Variants in AUTS2 observed in about 807,000 individuals in gnomAD.
AUTS2 encodes activator of transcription and developmental regulator AUTS2, also known as autism susceptibility gene 2 protein.
A neutral mutation model predicts 112.4 loss-of-function variants in AUTS2; 17 were observed. The observed-to-expected ratio is 0.15, with a 90% CI of 0.10 to 0.23. The LOEUF (loss-of-function observed/expected upper bound fraction) is 0.23, where lower values mean the gene tolerates loss of function less well. AUTS2 is among the 10% of genes least tolerant of loss of function. The pLI is 1.00. For synonymous variants in AUTS2, 751 were observed against 702.7 expected, an observed-to-expected ratio of 1.07 and a Z score of -1.09; for missense variants, 1,510 against 1,701.6, an observed-to-expected ratio of 0.89 and a Z score of 1.98.
intron 1 of AUTS2, among the ~76,000 whole-genome samples, chr7:69,817,100 C>T (rs2129525816): frequency 6.6e-6 from 1 of 152,340 alleles, no homozygotes; most frequent in East Asian, 1.9e-4. Flanking sequence ...TGCCATTCTT[C>T]TTCATCATGG....
chr7:70,756,113 T>C (rs1319678326), intron 6 of AUTS2, among the ~76,000 whole-genome samples: 1 of 152,214 alleles, frequency 6.6e-6, no homozygotes, highest in Non-Finnish European at 1.5e-5. Flanking sequence ...CAGTCTCTTT[T>C]CTGTGCATAC....
At chr7:70,090,649 G>T (rs933469433) in intron 2 of AUTS2, among the ~76,000 whole-genome samples, 4 of 148,962 alleles carry the variant, frequency 2.7e-5, no homozygotes, top group African/African-American at 7.4e-5. Context: ...AATACCATTT[G>T]CCCTCTTCCT....
intron 2 of AUTS2, among the ~76,000 whole-genome samples, chr7:69,972,008 T>G (rs1249095507): frequency 6.6e-6 from 1 of 152,216 alleles, no homozygotes; most frequent in Non-Finnish European, 1.5e-5. Flanking sequence ...GCCACCAAAC[T>G]GTCTTCCTGG....
intron 1 of AUTS2, among the ~76,000 whole-genome samples, chr7:69,828,252 A>G (rs1584304859): frequency 6.6e-6 from 1 of 152,186 alleles, no homozygotes; most frequent in Admixed American, 6.5e-5. Context: ...GGCTGGCTGG[A>G]CATGAGGGGA....
At chr7:70,647,930 A>G (rs925925235) in intron 5 of AUTS2, among the ~76,000 whole-genome samples, 6 of 152,198 alleles carry the variant, frequency 3.9e-5, no homozygotes, top group African/African-American at 9.7e-5. Flanking sequence ...AGTTTAAGCC[A>G]CTGACCTACC....
At chr7:70,187,841 G>A (rs1372450526) in intron 4 of AUTS2, among the ~76,000 whole-genome samples, 1 of 144,888 alleles carries the variant, frequency 6.9e-6, no homozygotes, top group Non-Finnish European at 1.5e-5. Context: ...TCAGGAAAGG[G>A]AAGTTGTTAG....
intron 4 of AUTS2, among the ~76,000 whole-genome samples, chr7:70,372,925 AGCT>A (rs776035907): frequency 6.6e-6 from 1 of 152,118 alleles, no homozygotes; most frequent in South Asian, 2.1e-4. Flanking sequence ...TGATGAAAGT[AGCT>A]GTCAAATTAG....
intron 5 of AUTS2, among the ~76,000 whole-genome samples, chr7:70,632,601 G>C (rs546800467): frequency 6.6e-6 from 1 of 151,870 alleles, no homozygotes; most frequent in East Asian, 1.9e-4. Context: ...CCACTCTCTG[G>C]CTCCCACGTC....
At chr7:70,678,925 A>C (rs990269808) in intron 5 of AUTS2, among the ~76,000 whole-genome samples, 1 of 152,202 alleles carries the variant, frequency 6.6e-6, no homozygotes, top group Non-Finnish European at 1.5e-5. Context: ...GACCCTGTCC[A>C]CTGGCAAACC....
In AUTS2 at chr7:70,790,952, G is replaced by T; in HGVS notation, c.3736G>T (p.Glu1246Ter). Residue 1246 changes from glutamate to a stop codon, truncating the protein, a stop_gained, in exon 19 of 19, where the codon GAG becomes TAG. Coordinates refer to ENST00000342771, the MANE Select transcript of AUTS2 (RefSeq NM_015570.4). LOFTEE classifies it high-confidence loss of function. This position sits in a 1 kb window ranked among gnomAD's most constrained non-coding sequence, Gnocchi z 7.6. ...GACTCCTCTGTCCGCAGAGATAAGG[G>T]AGAGGCCCCCTTCCCACACGCTGAA... ...RTTPLSAEIR[E>*]RPPSHTLKDI... is the part of the protein sequence containing the mutation. 1 of 1,514,516 alleles carries T rather than the reference G, an allele frequency of 6.6e-7. No individual in the cohort carries two copies. The highest frequency in any genetic ancestry group is 8.8e-7 in the Non-Finnish European group (1 of 1,131,594). The allele number at this position is 1,514,516 out of a possible 1,614,324, so 93.8% of individuals were successfully genotyped here.
intron 1 of AUTS2, among the ~76,000 whole-genome samples, chr7:69,824,867 G>A (rs2129526782): frequency 6.6e-6 from 1 of 152,286 alleles, no homozygotes; most frequent in Admixed American, 6.5e-5. Flanking sequence ...GCAATCAAAA[G>A]CTGTATCTAT....
At chr7:69,961,919 G>A (rs1475592897) in intron 2 of AUTS2, among the ~76,000 whole-genome samples, 4 of 152,116 alleles carry the variant, frequency 2.6e-5, no homozygotes, top group Non-Finnish European at 5.9e-5. Flanking sequence ...TAAGTATCAA[G>A]GAGCACCTCT....
Position 70,777,251 on chromosome 7 carries a change from A to AAGG in AUTS2, c.2004+81_2004+83dup, listed in dbSNP as rs138373481. On this transcript the variant is annotated intron_variant, in intron 14 of 18. Transcript: ENST00000342771. The stretch of plus-strand genomic sequence containing the variant: ...GTGACGTGCTCGGGAGAACCTGATG[A>AAGG]AGGAGGCATTTAAAACACATTTTAC... 2.1e-3 allele frequency: 2,858 copies of AAGG among 1,335,166 alleles called. 56 individuals are homozygous for AAGG. The African/African-American group carries it at 0.037, about 17-fold the overall frequency. The allele number at this position is 1,335,166 out of a possible 1,614,324, so 82.7% of individuals were successfully genotyped here.
At chr7:70,450,797 AAAG>A (rs1209869605) in intron 5 of AUTS2, among the ~76,000 whole-genome samples, 1 of 152,136 alleles carries the variant, frequency 6.6e-6, no homozygotes, top group Non-Finnish European at 1.5e-5. Flanking sequence ...ACTAATGTGG[AAAG>A]AAGGAGTCTG....
rs146430353 is a variant in AUTS2 at position 69,702,181 on chromosome 7, T to G, written c.309+102219T>G. On this transcript the variant is annotated intron_variant, in intron 1 of 18. Transcript: ENST00000342771. ...CATGTGTGGTCTTCTGGGGATTGAT[T>G]AGTTGCTGGTAAGGAAGGAGCTCAT... 3.9e-5 allele frequency among the ~76,000 whole-genome samples: 6 copies of G among 152,286 alleles called. No individual in the cohort carries two copies. The East Asian group carries it at 1.2e-3, about 29-fold the overall frequency.
intron 2 of AUTS2, among the ~76,000 whole-genome samples, chr7:70,008,632 C>T (rs1353594503): frequency 6.6e-6 from 1 of 152,118 alleles, no homozygotes; most frequent in African/African-American, 2.4e-5. Flanking sequence ...TCAGTATAAC[C>T]TCATGATTGA....
intron 1 of AUTS2, among the ~76,000 whole-genome samples, chr7:69,684,283 C>T (rs967743796): frequency 6.6e-6 from 1 of 152,134 alleles, no homozygotes; most frequent in African/African-American, 2.4e-5. Context: ...CTGAGGGGCA[C>T]TTGCACCTTG....
In AUTS2 at chr7:69,842,390, C is replaced by T. The variant is rs547420480; in HGVS notation, c.310-56896C>T. On this transcript the variant is annotated intron_variant, in intron 1 of 18. Coordinates refer to ENST00000342771, the MANE Select transcript of AUTS2 (RefSeq NM_015570.4). ...CATACCTTAGGACATTGTGTGTTGA[C>T]GCTTTTACTGTTCATAACATATTCT... is the stretch of plus-strand genomic sequence containing the variant. Among the ~76,000 whole-genome samples the T allele has an allele frequency of 9.2e-5, 14 of 152,226 alleles. No homozygotes were observed. In the South Asian group the frequency reaches 1.7e-3, roughly 18 times the overall value.
chr7:70,460,968 C>CAAT (rs1796939441), intron 5 of AUTS2, among the ~76,000 whole-genome samples: 1 of 152,034 alleles, frequency 6.6e-6, no homozygotes, highest in Non-Finnish European at 1.5e-5. Flanking sequence ...GGTGTGAGCC[C>CAAT]TGGGTTTGGG....
Sources: gnomAD v4.1 joint callset for allele counts (sites outside exome capture counted in the v4.1 genomes callset) on GRCh38, gnomAD v4.1.1 for gene constraint, Gnocchi (gnomAD v3.1) non-coding constraint, MANE v1.5 for transcripts, NCBI Gene and HGNC (gene_info 2026-07-23, HGNC 2026-07-21) for gene names.